Variants in ZEB1 observed in about 807,000 individuals in gnomAD.
ZEB1 encodes the protein zinc finger E-box-binding homeobox 1.
In ZEB1, 21 loss-of-function variants were observed where a neutral mutation model predicts 84.9. That is an observed-to-expected ratio of 0.25 (90% CI 0.18 to 0.36). The LOEUF (loss-of-function observed/expected upper bound fraction) is 0.36, where lower values mean the gene tolerates loss of function less well. Ranked by LOEUF, ZEB1 falls within the 10% of genes least tolerant of loss-of-function variation. ZEB1 has a pLI of 1.00. For missense variants in ZEB1, 1,104 were observed against 1,330.2 expected (o/e 0.83, Z 2.65); for synonymous variants, 420 against 471.1 (o/e 0.89, Z 1.41).
intron 1 of ZEB1, among the ~76,000 whole-genome samples, chr10:31,396,996 CT>C (rs2050849951): frequency 1.3e-5 from 2 of 149,954 alleles, no homozygotes; most frequent in East Asian, 1.9e-4. Context: ...TAACTTAAAA[CT>C]TTTTTATTTT....
chr10:31,419,330 C>A (rs2055752761), intron 1 of ZEB1, among the ~76,000 whole-genome samples: 1 of 151,940 alleles, frequency 6.6e-6, no homozygotes, highest in South Asian at 2.1e-4. Context: ...GAGGTAGAAC[C>A]CAGATTATGG....
intron 1 of ZEB1, among the ~76,000 whole-genome samples, chr10:31,351,186 C>G (rs532221764): frequency 6.6e-6 from 1 of 152,242 alleles, no homozygotes; most frequent in East Asian, 1.9e-4. Context: ...TTTCTAGTAG[C>G]AACTGAAAAG....
chr10:31,473,846 T>G (rs1207359351), intron 2 of ZEB1, among the ~76,000 whole-genome samples: 2 of 150,644 alleles, frequency 1.3e-5, no homozygotes, highest in Admixed American at 6.6e-5. Flanking sequence ...AGCATGGTAC[T>G]GGTACCAAAA....
intron 4 of ZEB1, among the ~76,000 whole-genome samples, chr10:31,505,244 T>G (rs2068775128): frequency 6.6e-6 from 1 of 152,070 alleles, no homozygotes; most frequent in African/African-American, 2.4e-5. Flanking sequence ...ACCTGGATAG[T>G]TTTCCTTTTT....
In ZEB1 at chr10:31,521,000, T is replaced by C. The variant is rs2139803978; in HGVS notation, c.1668T>C (p.Pro556=). ...PELKHYDLKQ[P]TQPPPLPAAE... ...TAAAGCACTATGACCTAAAGCAGCC[T>C]ACTCAGCCTCCTCCACTCCCTGCAG... The change falls in exon 7 of 9, where the codon CCT becomes CCC. Residue 556 remains proline, a synonymous_variant. Transcript: ENST00000424869. The surrounding 1 kb of genome is among the most constrained non-coding windows in gnomAD (Gnocchi z 5.1). 6.2e-7 allele frequency: 1 copy of C among 1,614,066 alleles called. No homozygotes were observed. The highest frequency in any genetic ancestry group is 2.2e-5 in the East Asian group (1 of 44,852).
At chr10:31,501,391 A>G (rs139114098) in intron 3 of ZEB1, among the ~76,000 whole-genome samples, 30 of 152,350 alleles carry the variant, frequency 2.0e-4, no homozygotes, top group African/African-American at 7.2e-4. Context: ...CCACTGCCTT[A>G]ATCCCACAGT....
chr10:31,480,057 T>G (rs2064837145), intron 2 of ZEB1, among the ~76,000 whole-genome samples: 1 of 152,008 alleles, frequency 6.6e-6, no homozygotes, highest in Non-Finnish European at 1.5e-5. Context: ...TGCTTTCAGT[T>G]TTTAAAACAT....
rs79468234 is a variant in ZEB1, at chr10:31,370,681, T to C, written c.58+51389T>C. The stretch of plus-strand genomic sequence containing the variant: ...GAAATTGAGTATGTAGGTTAAAAAG[T>C]TGAAATTTTCCTAATAAAATTGTAT... On this transcript the variant is annotated intron_variant, in intron 1 of 8. Coordinates refer to ENST00000424869, the MANE Select transcript of ZEB1 (RefSeq NM_001174096.2). 5.6e-3 allele frequency among the ~76,000 whole-genome samples: 848 copies of C among 152,318 alleles called. 13 individuals are homozygous for C. The highest frequency in any genetic ancestry group is 0.02 in the African/African-American group (812 of 41,566).
At chr10:31,331,077 CTTTCTTTTTTT>C (rs1449193933) in intron 1 of ZEB1, among the ~76,000 whole-genome samples, 1 of 89,064 alleles carries the variant, frequency 1.1e-5, no homozygotes, top group African/African-American at 5.4e-5. Flanking sequence ...TTTTTTCTTT[CTTTCTTTTTTT>C]TTTTTTTTTT....
At chr10:31,462,085 TCAAAGA>T (rs1204451790) in intron 2 of ZEB1, among the ~76,000 whole-genome samples, 1 of 151,996 alleles carries the variant, frequency 6.6e-6, no homozygotes, top group Non-Finnish European at 1.5e-5. Flanking sequence ...GAATTCAAGT[TCAAAGA>T]GGTCGTCTAG....
intron 2 of ZEB1, among the ~76,000 whole-genome samples, chr10:31,471,302 C>A: frequency 7.9e-6 from 1 of 127,298 alleles, no homozygotes; most frequent in East Asian, 2.3e-4. Context: ...CATCAGTGTG[C>A]TGTATTCAGG....
intron 1 of ZEB1, among the ~76,000 whole-genome samples, chr10:31,449,179 G>A (rs1489615645): frequency 1.3e-5 from 2 of 152,196 alleles, no homozygotes; most frequent in Non-Finnish European, 2.9e-5. Flanking sequence ...CGATTTTCCA[G>A]GTGCGTCTGT....
At chr10:31,481,687 T>C (rs2065062039) in intron 2 of ZEB1, among the ~76,000 whole-genome samples, 1 of 151,868 alleles carries the variant, frequency 6.6e-6, no homozygotes, top group Admixed American at 6.6e-5. Context: ...GAATGAATGA[T>C]GAGAGCATGT....
intron 1 of ZEB1, among the ~76,000 whole-genome samples, chr10:31,444,731 C>T (rs919806750): frequency 2.1e-4 from 32 of 151,924 alleles, no homozygotes; most frequent in East Asian, 1.5e-3. Context: ...CGTAGGTATG[C>T]GGCGTTATTT....
intron 1 of ZEB1, among the ~76,000 whole-genome samples, chr10:31,454,765 C>T (rs955212879): frequency 2.6e-5 from 4 of 152,066 alleles, no homozygotes; most frequent in Non-Finnish European, 5.9e-5. Flanking sequence ...TAAGAGAGGA[C>T]ACAACAAATG....
intron 6 of ZEB1, among the ~76,000 whole-genome samples, chr10:31,515,441 T>C (rs1400574344): frequency 6.6e-6 from 1 of 152,092 alleles, no homozygotes; most frequent in Non-Finnish European, 1.5e-5. Flanking sequence ...AATTTTGATA[T>C]GTTATTTTAG....
intron 1 of ZEB1, among the ~76,000 whole-genome samples, chr10:31,327,559 T>G (rs1357136360): frequency 3.9e-5 from 6 of 152,214 alleles, no homozygotes; most frequent in Admixed American, 3.9e-4. Context: ...ATTCCCAGAT[T>G]GACTCCAATT....
chr10:31,501,965 A>T (rs1427032222), intron 3 of ZEB1, among the ~76,000 whole-genome samples: 1 of 152,228 alleles, frequency 6.6e-6, no homozygotes. Context: ...AATAAGTATT[A>T]TGATATGATA....
intron 1 of ZEB1, among the ~76,000 whole-genome samples, chr10:31,384,755 A>G (rs924913418): frequency 9.9e-5 from 15 of 152,216 alleles, no homozygotes; most frequent in Middle Eastern, 3.2e-3. Flanking sequence ...CAAGGGATCC[A>G]TTATCCACAG....
Sources: allele counts gnomAD v4.1 joint callset (sites outside exome capture counted in the v4.1 genomes callset), GRCh38; gene constraint gnomAD v4.1.1; non-coding constraint Gnocchi (gnomAD v3.1); transcripts MANE v1.5; gene names NCBI Gene and HGNC (gene_info 2026-07-23, HGNC 2026-07-21).